CD99L2: variants seen among roughly 807,000 people sequenced by gnomAD.
The protein encoded by CD99L2 is CD99 molecule like 2, also known as CD99 antigen-like protein 2.
In CD99L2, 24 loss-of-function variants were observed where a neutral mutation model predicts 27.3. The ratio of observed to expected loss-of-function variants is 0.88; its 90% CI spans 0.64 to 1.24. The LOEUF (loss-of-function observed/expected upper bound fraction) is 1.24. Ranked by LOEUF, CD99L2 falls within the 50% of genes most tolerant of loss-of-function variation. The pLI is 0.00. For synonymous variants in CD99L2, 97 were observed against 87.9 expected (o/e 1.10, Z -0.58); for missense variants, 255 against 221.6 (o/e 1.15, Z -0.96).
chrX:150,835,288 T>C (rs1164539764), intron 1 of CD99L2, among the ~76,000 whole-genome samples: 2 of 112,510 alleles, frequency 1.8e-5, no homozygotes, highest in Non-Finnish European at 3.7e-5. Context: ...ATATGTTAAT[T>C]AGCTTGAATG....
chrX:150,776,514 T>G (rs1341312878), intron 8 of CD99L2, among the ~76,000 whole-genome samples: 1 of 111,637 alleles, frequency 9.0e-6, no homozygotes, highest in Non-Finnish European at 1.9e-5. Context: ...GGGCTTCACT[T>G]TTGAGGAGCT....
At chrX:150,880,220 A>G (rs1015165032) in intron 1 of CD99L2, among the ~76,000 whole-genome samples, 2 of 112,155 alleles carry the variant, frequency 1.8e-5, no homozygotes, top group African/African-American at 3.2e-5. Flanking sequence ...AATTAAAAAC[A>G]TAAGTCCACA....
At chrX:150,873,073 T>G (rs150496460) in intron 1 of CD99L2, among the ~76,000 whole-genome samples, 1,845 of 112,330 alleles carry the variant, frequency 0.016, 24 homozygotes, top group African/African-American at 0.039. Flanking sequence ...TACTCATTTA[T>G]CCAACAGCTG....
chrX:150,814,692 T>A (rs781824135), intron 4 of CD99L2, among the ~76,000 whole-genome samples, 170 bp downstream of exon 4: 7 of 112,055 alleles, frequency 6.2e-5, no homozygotes, highest in Non-Finnish European at 1.3e-4. Context: ...TCTCAATGAT[T>A]TGGGGAGTCC....
In CD99L2 at chrX:150,884,596, T is replaced by G. The variant is rs1270057557; in HGVS notation, c.67+13926A>C. On this transcript the variant is annotated intron_variant, in intron 1 of 10. Transcript: ENST00000370377. ...GGGGAGGCTGAGGGGGGAGGATCAA[T>G]CACTTGAGCCCGGGAAGTGGAGGTT... is the stretch of plus-strand genomic sequence containing the variant. 2.7e-5 allele frequency among the ~76,000 whole-genome samples: 3 copies of G among 112,017 alleles called. No homozygotes were observed. In the South Asian group the frequency reaches 1.1e-3, roughly 42 times the overall value.
intron 2 of CD99L2, among the ~76,000 whole-genome samples, chrX:150,816,706 C>T (rs1406230404): frequency 1.8e-5 from 2 of 108,619 alleles, no homozygotes; most frequent in African/African-American, 6.7e-5. Context: ...GGTATATACC[C>T]AAAGGACTAT....
chrX:150,794,661 GAGA>G (rs1471186978), intron 6 of CD99L2, among the ~76,000 whole-genome samples: 1 of 111,867 alleles, frequency 8.9e-6, no homozygotes, highest in Admixed American at 9.4e-5. Context: ...TGTCCTATCC[GAGA>G]AGATTATCCA....
chrX:150,810,182 T>G (rs1483210485), intron 4 of CD99L2, among the ~76,000 whole-genome samples: 1 of 111,970 alleles, frequency 8.9e-6, no homozygotes, highest in African/African-American at 3.2e-5. Context: ...ACTGGGAACA[T>G]TCTCCTGGAT....
intron 1 of CD99L2, among the ~76,000 whole-genome samples, chrX:150,898,054 A>AACC (rs2047641582): frequency 1.0e-4 from 3 of 29,967 alleles, no homozygotes; most frequent in Admixed American, 9.3e-4. Context: ...CGCCTCGCTG[A>AACC]CCCCCCCCCC....
intron 7 of CD99L2, among the ~76,000 whole-genome samples, chrX:150,782,217 A>G (rs1557419447): frequency 1.8e-5 from 2 of 112,887 alleles, no homozygotes; most frequent in South Asian, 7.3e-4. Context: ...AAAAATGGCC[A>G]AAGTGCAAAA....
intron 1 of CD99L2, among the ~76,000 whole-genome samples, chrX:150,891,027 A>G (rs2047504404): frequency 8.9e-6 from 1 of 112,855 alleles, no homozygotes. Context: ...ACATCATTAC[A>G]ACCCAATTTT....
Position 150,898,666 on chromosome X carries a change from G to C in CD99L2, c.-78C>G. ...CGAAGGGGAGGCCGAGGAGGAGCGG[G>C]AGGAGGAGCCCCGCCGCCTCTGCAG... On this transcript the variant is annotated 5_prime_UTR_variant, in exon 1 of 11. Coordinates refer to ENST00000370377, the MANE Select transcript of CD99L2 (RefSeq NM_031462.4). The C allele has an allele frequency of 1.1e-6, 1 of 938,792 alleles. No homozygotes were observed. The highest frequency in any genetic ancestry group is 1.4e-6 in the Non-Finnish European group (1 of 717,744). The allele number at this position is 938,792 out of a possible 1,213,427, so 77.4% of individuals were successfully genotyped here. A position where few individuals can be genotyped will look rare whatever the true frequency, so the allele number is the denominator to read the frequency against.
Position 150,836,182 on chromosome X carries a change from A to G in CD99L2, c.68-4889T>C, listed in dbSNP as rs376037996. ...TCAGTTCTCAAGCAAACCATTATGC[A>G]TGCATACTGGAATTGACCTAAGTAA... On this transcript the variant is annotated intron_variant, in intron 1 of 10. Coordinates refer to ENST00000370377, the MANE Select transcript of CD99L2 (RefSeq NM_031462.4). 6.3e-5 allele frequency among the ~76,000 whole-genome samples: 7 copies of G among 111,619 alleles called. No individual in the cohort carries two copies. The East Asian group carries it at 1.4e-3, about 22-fold the overall frequency.
At chrX:150,808,066 AG>A (rs1471507096) in intron 4 of CD99L2, among the ~76,000 whole-genome samples, 3 of 112,602 alleles carry the variant, frequency 2.7e-5, no homozygotes, top group African/African-American at 9.7e-5. Flanking sequence ...CCCTCTCAAA[AG>A]GCTGCATTAA....
chrX:150,807,753 G>T (rs2124162245), intron 4 of CD99L2, among the ~76,000 whole-genome samples: 1 of 112,613 alleles, frequency 8.9e-6, no homozygotes, highest in African/African-American at 3.2e-5. Flanking sequence ...CTGTGTGTGT[G>T]TGCTCACATC....
chrX:150,867,229 G>A (rs1557422066), intron 1 of CD99L2, among the ~76,000 whole-genome samples: 2 of 110,799 alleles, frequency 1.8e-5, no homozygotes, highest in Admixed American at 1.9e-4. Context: ...GGGCTACGTG[G>A]CAAAACCCTG....
At position 150,833,445 on chromosome X, in the gene CD99L2, T is replaced by C. The variant is rs1284544108; in HGVS notation, c.68-2152A>G. Among the ~76,000 whole-genome samples, 4 of 111,626 alleles carry C rather than the reference T, an allele frequency of 3.6e-5. No individual in the cohort carries two copies. The East Asian group carries it at 1.1e-3, about 31-fold the overall frequency. On this transcript the variant is annotated intron_variant, in intron 1 of 10. Coordinates refer to ENST00000370377, the MANE Select transcript of CD99L2 (RefSeq NM_031462.4). ...ATTCCAATGTCATTTTTCACAGAAATGGAAAAAAATCCTAAAATTTGTATG... is the reference window on the plus strand; with the variant it reads ...ATTCCAATGTCATTTTTCACAGAAACGGAAAAAAATCCTAAAATTTGTATG...
chrX:150,868,966 T>C (rs147015700), intron 1 of CD99L2, among the ~76,000 whole-genome samples: 1,350 of 112,672 alleles, frequency 0.012, 16 homozygotes, highest in African/African-American at 0.04. Flanking sequence ...ATGTTCTCTT[T>C]TGCAATCTGC....
chrX:150,798,130 G>GGTGGGAGAAC (rs2124125346), intron 4 of CD99L2, among the ~76,000 whole-genome samples: 2 of 45,467 alleles, frequency 4.4e-5, no homozygotes, highest in Non-Finnish European at 7.5e-5. Context: ...AGGGAGGGAG[G>GGTGGGAGAAC]AAAGGAAGGA....
Sources: gnomAD v4.1 joint callset for allele counts (sites outside exome capture counted in the v4.1 genomes callset) on GRCh38, gnomAD v4.1.1 for gene constraint, MANE v1.5 for transcripts, NCBI Gene and HGNC (gene_info 2026-07-23, HGNC 2026-07-21) for gene names.